The following NPEPPS variants were observed in gnomAD, a reference collection of about 807,000 sequenced individuals.
NPEPPS encodes the protein aminopeptidase puromycin sensitive.
In NPEPPS, 14 loss-of-function variants were observed where a neutral mutation model predicts 115.5. The ratio of observed to expected loss-of-function variants is 0.12; its 90% CI spans 0.08 to 0.19. The LOEUF is 0.19. Among genes scored for constraint, NPEPPS ranks in the 10% least tolerant of loss-of-function variants. The pLI is 1.00. For missense variants in NPEPPS, 523 were observed against 1,110.8 expected (o/e 0.47, Z 7.52); for synonymous variants, 285 against 390.6 (o/e 0.73, Z 3.19).
At chr17:47,573,260 G>A (rs1911309711) in intron 3 of NPEPPS, among the ~76,000 whole-genome samples, 1 of 152,102 alleles carries the variant, frequency 6.6e-6, no homozygotes, top group African/African-American at 2.4e-5. Flanking sequence ...TGGGGTAGGG[G>A]GCAATAGGAG....
chr17:47,566,505 G>GTT (rs201456111), intron 2 of NPEPPS, among the ~76,000 whole-genome samples: 19 of 124,258 alleles, frequency 1.5e-4, no homozygotes, highest in South Asian at 2.6e-4. Context: ...TAGGTTTTTT[G>GTT]TTTTTTTTTT....
chr17:47,532,108 G>A (rs1907834436), intron 1 of NPEPPS, among the ~76,000 whole-genome samples: 1 of 152,072 alleles, frequency 6.6e-6, no homozygotes, highest in South Asian at 2.1e-4. Flanking sequence ...GGGTGAGAAC[G>A]AGAATGTTAA....
At chr17:47,561,133 C>G (rs1910396447) in intron 2 of NPEPPS, among the ~76,000 whole-genome samples, 1 of 152,010 alleles carries the variant, frequency 6.6e-6, no homozygotes, top group South Asian at 2.1e-4. Context: ...AAATTTCAAT[C>G]TTTTTTTAAT....
Position 47,524,768 on chromosome 17 carries a change from T to C in NPEPPS, c.77+1705T>C, listed in dbSNP as rs563595016. Among the ~76,000 whole-genome samples, 11 of 151,156 alleles carry C rather than the reference T, an allele frequency of 7.3e-5. No individual in the cohort carries two copies. In the East Asian group the frequency reaches 2.1e-3, roughly 30 times the overall value. ...ATCCGTCTGCCTCGGCCTCCCAAAGTGCTGGGATTACAGGCGTGAGCCACC... is the reference window on the plus strand; with the variant it reads ...ATCCGTCTGCCTCGGCCTCCCAAAGCGCTGGGATTACAGGCGTGAGCCACC... On this transcript the variant is annotated intron_variant, in intron 1 of 5. Transcript: ENST00000525007.
chr17:47,584,501 G>T (rs1188631256), intron 5 of NPEPPS, among the ~76,000 whole-genome samples: 2 of 152,120 alleles, frequency 1.3e-5, no homozygotes, highest in Non-Finnish European at 2.9e-5. Context: ...TTTATTGGGG[G>T]AGAGCATCCC....
At chr17:47,616,996 C>G (rs1914250192) in intron 19 of NPEPPS, among the ~76,000 whole-genome samples, 1 of 151,904 alleles carries the variant, frequency 6.6e-6, no homozygotes, top group Non-Finnish European at 1.5e-5. Flanking sequence ...AGACATAGCT[C>G]TTATACATTT....
intron 19 of NPEPPS, among the ~76,000 whole-genome samples, chr17:47,615,447 C>T (rs1914145124): frequency 6.6e-6 from 1 of 152,110 alleles, no homozygotes; most frequent in African/African-American, 2.4e-5. Context: ...TTTCCAGCTT[C>T]TCAGGAGGCT....
chr17:47,617,599 A>C (rs1914291433), intron 19 of NPEPPS, among the ~76,000 whole-genome samples: 1 of 125,380 alleles, frequency 8.0e-6, no homozygotes, highest in Non-Finnish European at 1.8e-5. Context: ...AACTTTCAAT[A>C]ATGCATTTTT....
At chr17:47,540,844 C>G (rs1479913826) in intron 1 of NPEPPS, among the ~76,000 whole-genome samples, 13 of 152,096 alleles carry the variant, frequency 8.5e-5, no homozygotes, top group African/African-American at 2.4e-5. Context: ...AAGTGCATCT[C>G]TAATATAAGA....
intron 5 of NPEPPS, among the ~76,000 whole-genome samples, chr17:47,585,106 C>G (rs191078660): frequency 6.6e-6 from 1 of 152,278 alleles, no homozygotes; most frequent in African/African-American, 2.4e-5. Flanking sequence ...GTATTACAGG[C>G]GTGAGCCACC....
At chr17:47,577,668 G>A (rs1911601359) in intron 3 of NPEPPS, among the ~76,000 whole-genome samples, 2 of 152,132 alleles carry the variant, frequency 1.3e-5, no homozygotes, top group African/African-American at 4.8e-5. Flanking sequence ...TTAAGCTTCA[G>A]TTGAGTTGGT....
chr17:47,586,721 A>G (rs2611870), intron 8 of NPEPPS: 4 of 494,636 alleles, frequency 8.1e-6, no homozygotes, highest in Non-Finnish European at 1.6e-5. Flanking sequence ...CTTCTAGCCA[A>G]GTTTTTACAT....
At chr17:47,604,074 A>C in intron 16 of NPEPPS, 25 bp downstream of exon 16, 1 of 1,595,074 alleles carries the variant, frequency 6.3e-7, no homozygotes, top group Non-Finnish European at 8.6e-7. Context: ...CTTAAGTAAT[A>C]TGATGGATTT....
At chr17:47,582,604 C>T in intron 4 of NPEPPS, 138 bp from the exon 5 acceptor site, 1 of 703,724 alleles carries the variant, frequency 1.4e-6, no homozygotes, top group Non-Finnish European at 2.6e-6. Flanking sequence ...TAATGCCTGG[C>T]TTGTTGCCTG....
intron 8 of NPEPPS, 123 bp downstream of exon 8, chr17:47,586,521 C>T: frequency 2.7e-6 from 2 of 742,682 alleles, no homozygotes; most frequent in Non-Finnish European, 4.5e-6. Context: ...TCTACCTTCC[C>T]CCACTTCCGT....
At chr17:47,529,406 C>CTTTTT (rs1235224440), upstream of NPEPPS, among the ~76,000 whole-genome samples, 1 of 128,720 alleles carries the variant, frequency 7.8e-6, no homozygotes, top group Non-Finnish European at 1.7e-5. Flanking sequence ...CCTGGGCCCA[C>CTTTTT]TTTTTTTTTT....
intron 2 of NPEPPS, among the ~76,000 whole-genome samples, chr17:47,561,273 G>T (rs1468514151): frequency 1.3e-5 from 2 of 148,844 alleles, no homozygotes; most frequent in African/African-American, 5.0e-5. Flanking sequence ...AGCATTTTGG[G>T]AGGCCGAGGC....
chr17:47,585,739 A>T (rs1287077406), intron 6 of NPEPPS, 39 bp downstream of exon 6: 1 of 1,450,176 alleles, frequency 6.9e-7, no homozygotes, highest in Non-Finnish European at 9.7e-7. Context: ...ACAGTCCATA[A>T]CTCCAGGTTG....
intron 1 of NPEPPS, among the ~76,000 whole-genome samples, chr17:47,532,307 T>C (rs1038945552): frequency 3.9e-5 from 6 of 152,120 alleles, no homozygotes; most frequent in Non-Finnish European, 7.3e-5. Context: ...CTTTGCGGCC[T>C]TCGAAGCTGG....
Sources: allele counts gnomAD v4.1 joint callset (sites outside exome capture counted in the v4.1 genomes callset), GRCh38; gene constraint gnomAD v4.1.1; transcripts MANE v1.5; gene names NCBI Gene and HGNC (gene_info 2026-07-23, HGNC 2026-07-21).